PRMT3: variants seen among roughly 807,000 people sequenced by gnomAD.
PRMT3 encodes protein arginine N-methyltransferase 3.
A neutral mutation model predicts 71.9 loss-of-function variants in PRMT3; 62 were observed. That is an observed-to-expected ratio of 0.86 (90% CI 0.70 to 1.07). The LOEUF (loss-of-function observed/expected upper bound fraction) is 1.07. Among genes scored for constraint, PRMT3 ranks in the 50% least tolerant of loss-of-function variants. The pLI is 0.00. For missense variants in PRMT3, 663 were observed against 643.0 expected, an observed-to-expected ratio of 1.03 and a Z score of -0.34; for synonymous variants, 213 against 220.4, an observed-to-expected ratio of 0.97 and a Z score of 0.30.
intron 13 of PRMT3, among the ~76,000 whole-genome samples, chr11:20,468,447 C>T (rs1366718082): frequency 6.6e-6 from 1 of 152,170 alleles, no homozygotes; most frequent in East Asian, 1.9e-4. Context: ...CAGCCCACTG[C>T]AACCTCCGCC....
At chr11:20,406,020 T>A (rs144483926) in intron 8 of PRMT3, 2 of 152,300 alleles carry the variant, frequency 1.3e-5, no homozygotes, top group African/African-American at 4.8e-5. Flanking sequence ...TCTCTATGAT[T>A]TTGACTACTC....
rs558822924 is a variant in PRMT3, at chr11:20,508,618, G to T, written c.*205G>T. ...TCAGCTGATCCTCATGGTCTGCCACGTAATCATTTTCTTAGACGTTTGCTC... is the reference window on the plus strand; with the variant it reads ...TCAGCTGATCCTCATGGTCTGCCACTTAATCATTTTCTTAGACGTTTGCTC... On this transcript the variant is annotated 3_prime_UTR_variant, in exon 16 of 16. Coordinates refer to ENST00000331079, the MANE Select transcript of PRMT3 (RefSeq NM_005788.4). 3.0e-6 allele frequency: 2 copies of T among 671,954 alleles called. No individual in the cohort carries two copies. Among genetic ancestry groups the T allele is most frequent in the Admixed American group, 2.0e-5 (1 of 49,066 alleles). The allele number at this position is 671,954 out of a possible 1,614,324, so 41.6% of individuals were successfully genotyped here.
rs891959920 is a variant in PRMT3 at position 20,395,789 on chromosome 11, A to G, written c.401-14A>G. Reference sequence around the variant, plus strand: ...ATAAGATGGCCTGATAATAATGTCCATTTATTTCTTTAGATGTAGAAGATC... The same window carrying G: ...ATAAGATGGCCTGATAATAATGTCCGTTTATTTCTTTAGATGTAGAAGATC... On this transcript the variant is annotated splice_polypyrimidine_tract_variant and intron_variant, in intron 5 of 15. Transcript: ENST00000331079. 2 of 1,605,286 alleles carry G rather than the reference A, an allele frequency of 1.2e-6. No individual in the cohort carries two copies. Among genetic ancestry groups the G allele is most frequent in the Admixed American group, 1.7e-5 (1 of 58,612 alleles).
rs140780015 is a variant in PRMT3 at position 20,390,621 on chromosome 11, C to T, written c.247+795C>T. On this transcript the variant is annotated intron_variant, in intron 3 of 15. Coordinates refer to ENST00000331079, the MANE Select transcript of PRMT3 (RefSeq NM_005788.4). ...GTTTCTATTGAAACTTTTATTTAAA[C>T]ACACTTGCCTTACAATTAAGGCCTT... Among the ~76,000 whole-genome samples, 1,311 of 152,320 alleles carry T rather than the reference C, an allele frequency of 8.6e-3. 18 individuals are homozygous for T. The highest frequency in any genetic ancestry group is 0.03 in the African/African-American group (1,235 of 41,576).
chr11:20,430,146 ATTTAT>A (rs1277412664), intron 10 of PRMT3, among the ~76,000 whole-genome samples: 6 of 152,036 alleles, frequency 3.9e-5, no homozygotes, highest in African/African-American at 7.3e-5. Context: ...TCCTGTCTTT[ATTTAT>A]TTTATTTTTT....
intron 10 of PRMT3, among the ~76,000 whole-genome samples, chr11:20,437,277 C>G (rs1220128663): frequency 6.6e-6 from 1 of 151,832 alleles, no homozygotes; most frequent in Non-Finnish European, 1.5e-5. Context: ...TCTGCTCTGA[C>G]CTTTGTTATT....
At chr11:20,502,097 G>A (rs1180777740) in intron 15 of PRMT3, among the ~76,000 whole-genome samples, 3 of 152,082 alleles carry the variant, frequency 2.0e-5, no homozygotes, top group Non-Finnish European at 4.4e-5. Flanking sequence ...CTTGAACTAC[G>A]GCACTGCTTT....
chr11:20,429,331 A>G (rs1849608473), intron 10 of PRMT3, among the ~76,000 whole-genome samples: 1 of 152,190 alleles, frequency 6.6e-6, no homozygotes, highest in African/African-American at 2.4e-5. Context: ...TGCTGATCTG[A>G]CAGGAGGCGG....
intron 13 of PRMT3, among the ~76,000 whole-genome samples, chr11:20,482,414 A>G (rs1205425324): frequency 1.3e-5 from 2 of 152,114 alleles, no homozygotes; most frequent in Non-Finnish European, 2.9e-5. Context: ...GTTGAAGGAC[A>G]ATAAATTCTG....
At chr11:20,407,365 T>C (rs1038781150) in intron 8 of PRMT3, 1 of 153,098 alleles carries the variant, frequency 6.5e-6, no homozygotes, top group Non-Finnish European at 1.5e-5. Context: ...TGGATACATA[T>C]ATACTATGTA....
At chr11:20,452,018 G>T (rs1850160042) in intron 10 of PRMT3, 112 bp from the exon 11 acceptor site, 2 of 685,642 alleles carry the variant, frequency 2.9e-6, no homozygotes, top group Non-Finnish European at 4.4e-6. Flanking sequence ...TTACATCTGT[G>T]GCAGAAAAAA....
intron 3 of PRMT3, among the ~76,000 whole-genome samples, chr11:20,391,431 C>G (rs139065616): frequency 3.5e-4 from 53 of 152,128 alleles, no homozygotes; most frequent in Middle Eastern, 3.4e-3. Flanking sequence ...TTAGGAGAGA[C>G]AGGGTTTCTC....
intron 9 of PRMT3, among the ~76,000 whole-genome samples, chr11:20,411,081 A>C (rs1402441930): frequency 6.6e-6 from 1 of 152,134 alleles, no homozygotes; most frequent in Non-Finnish European, 1.5e-5. Context: ...TATTTTAACA[A>C]GATTTTTATA....
chr11:20,442,783 G>A (rs1288761545), intron 10 of PRMT3, among the ~76,000 whole-genome samples: 3 of 152,116 alleles, frequency 2.0e-5, no homozygotes, highest in African/African-American at 7.2e-5. Context: ...TACATTCTAC[G>A]TAATTAATGC....
At chr11:20,399,016 T>A (rs989526781) in intron 7 of PRMT3, among the ~76,000 whole-genome samples, 1 of 152,236 alleles carries the variant, frequency 6.6e-6, no homozygotes, top group Non-Finnish European at 1.5e-5. Flanking sequence ...TTAAGTATTA[T>A]AGATTGTAAA....
intron 10 of PRMT3, among the ~76,000 whole-genome samples, chr11:20,440,489 C>CAAAA (rs55801324): frequency 3.1e-4 from 36 of 115,904 alleles, no homozygotes; most frequent in Middle Eastern, 5.6e-3. Context: ...ACTAAAAATA[C>CAAAA]AAAAAAAAAA....
At chr11:20,477,982 G>C (rs1304852377) in intron 13 of PRMT3, among the ~76,000 whole-genome samples, 3 of 152,152 alleles carry the variant, frequency 2.0e-5, no homozygotes, top group Non-Finnish European at 4.4e-5. Context: ...CCTTGTCCCA[G>C]CAAAGTTCTT....
chr11:20,395,597 C>G (rs1387328367), intron 5 of PRMT3, among the ~76,000 whole-genome samples: 1 of 152,028 alleles, frequency 6.6e-6, no homozygotes, highest in African/African-American at 2.4e-5. Context: ...AAGTGATCTG[C>G]CTGCCTCGGC....
At chr11:20,501,247 TAGA>T (rs1851451246) in intron 15 of PRMT3, among the ~76,000 whole-genome samples, 1 of 152,300 alleles carries the variant, frequency 6.6e-6, no homozygotes, top group Non-Finnish European at 1.5e-5. Context: ...GGAGTTCTAA[TAGA>T]AGTTCAACAT....
Sources: gnomAD v4.1 joint callset for allele counts (sites outside exome capture counted in the v4.1 genomes callset) on GRCh38, gnomAD v4.1.1 for gene constraint, MANE v1.5 for transcripts, NCBI Gene and HGNC (gene_info 2026-07-23, HGNC 2026-07-21) for gene names.